The following MYO18B variants were observed in gnomAD, a reference collection of about 807,000 sequenced individuals.
MYO18B encodes the protein myosin XVIIIB.
Under a neutral mutation model 273.0 loss-of-function variants are expected in MYO18B, and 204 were observed. The observed-to-expected ratio is 0.75, with a 90% confidence interval of 0.67 to 0.84. MYO18B has a LOEUF of 0.84. MYO18B is among the 40% of genes least tolerant of loss of function. The pLI is 0.00. For missense variants in MYO18B, 3,212 were observed against 3,287.6 expected, an observed-to-expected ratio of 0.98 and a Z score of 0.56; for synonymous variants, 1,330 against 1,305.7, an observed-to-expected ratio of 1.02 and a Z score of -0.40.
chr22:25,887,909 C>G (rs955747706), intron 25 of MYO18B, among the ~76,000 whole-genome samples: 2 of 152,218 alleles, frequency 1.3e-5, no homozygotes, highest in African/African-American at 2.4e-5. Flanking sequence ...AAATTTCACA[C>G]TAATTGGCTA....
chr22:25,777,513 G>A (rs1406416061), intron 7 of MYO18B, 70 bp from the exon 8 acceptor site: 2 of 1,411,552 alleles, frequency 1.4e-6, no homozygotes, highest in African/African-American at 2.9e-5. Context: ...GCCTGGGGCG[G>A]GGCGCTGTCT....
rs574311179 is a variant in MYO18B at position 25,818,502 on chromosome 22, G to A, written c.2522-5003G>A. On this transcript the variant is annotated intron_variant, in intron 12 of 43. Coordinates refer to ENST00000335473, the MANE Select transcript of MYO18B (RefSeq NM_032608.7). ...CCTCAGAGGGTTTTGGTGAGATGAG[G>A]CATGGAAAGCCTTTAGCTCAGTGCC... Among the ~76,000 whole-genome samples, 5 of 152,290 alleles carry A rather than the reference G, an allele frequency of 3.3e-5. No individual in the cohort carries two copies. In the South Asian group the frequency reaches 6.2e-4, roughly 19 times the overall value.
At chr22:25,804,762 T>C (rs1423782841) in intron 12 of MYO18B, among the ~76,000 whole-genome samples, 2 of 152,222 alleles carry the variant, frequency 1.3e-5, no homozygotes, top group African/African-American at 4.8e-5. Context: ...GTGGCCCTGC[T>C]CTGTCTGGCA....
At chr22:25,779,932 C>CG in intron 8 of MYO18B, 124 bp from the exon 9 acceptor site, 1 of 1,274,878 alleles carries the variant, frequency 7.8e-7, no homozygotes, top group Non-Finnish European at 1.1e-6. Context: ...GGAAGCCCAC[C>CG]GGGGGCTGAG....
At chr22:25,998,550 A>G (rs957569057) in intron 40 of MYO18B, among the ~76,000 whole-genome samples, 2 of 152,212 alleles carry the variant, frequency 1.3e-5, no homozygotes, top group Non-Finnish European at 2.9e-5. Flanking sequence ...TAACCTGGCT[A>G]AAATTAGGCT....
chr22:25,919,747 A>G (rs1049900602), intron 33 of MYO18B, among the ~76,000 whole-genome samples: 8 of 152,048 alleles, frequency 5.3e-5, no homozygotes, highest in African/African-American at 1.9e-4. Context: ...AAAACAATAC[A>G]TTTCAGATAT....
chr22:25,945,332 T>C (rs1242734968), intron 34 of MYO18B, among the ~76,000 whole-genome samples: 2 of 152,074 alleles, frequency 1.3e-5, no homozygotes, highest in Non-Finnish European at 2.9e-5. Context: ...CTCTTTCCTC[T>C]ACTGCACAAA....
chr22:25,997,325 A>AC (rs1318071562), intron 40 of MYO18B, among the ~76,000 whole-genome samples: 3 of 150,208 alleles, frequency 2.0e-5, no homozygotes, highest in Non-Finnish European at 4.4e-5. Context: ...AAAAAAAAAA[A>AC]AAAAACGAAG....
rs139314278 is a variant in MYO18B, at chr22:26,024,047, TTTC to T, written c.6471-2392_6471-2390del. Among the ~76,000 whole-genome samples the T allele has an allele frequency of 9.8e-3, 1,498 of 152,268 alleles. 25 individuals carry two copies. Among genetic ancestry groups the T allele is most frequent in the African/African-American group, 0.034 (1,415 of 41,548 alleles). ...TTGTTTTAGCACATAGGAACCAACC[TTTC>T]TTCTTACGGTGAGACAGAAGGTCAC... On this transcript the variant is annotated intron_variant, in intron 42 of 43. Coordinates refer to ENST00000335473, the MANE Select transcript of MYO18B (RefSeq NM_032608.7).
At chr22:25,938,155 C>T (rs2092603175) in intron 34 of MYO18B, among the ~76,000 whole-genome samples, 1 of 152,114 alleles carries the variant, frequency 6.6e-6, no homozygotes, top group South Asian at 2.1e-4. Context: ...CAGGTTCTAA[C>T]CATTCTGCCC....
At position 25,865,856 on chromosome 22, in the gene MYO18B, GT is replaced by G. The variant is rs879793160; in HGVS notation, c.3886-2455del. ...TCTTATCTTCAGTCAATTTTTTATT[GT>G]TTTTTTTTCTTCTTATGTAGAGAAA... On this transcript the variant is annotated intron_variant, in intron 21 of 43. Coordinates refer to ENST00000335473, the MANE Select transcript of MYO18B (RefSeq NM_032608.7). 3.1e-3 allele frequency among the ~76,000 whole-genome samples: 465 copies of G among 149,710 alleles called. 1 individual carries two copies. The highest frequency in any genetic ancestry group is 4.0e-3 in the Non-Finnish European group (268 of 67,232).
At chr22:25,861,103 C>T (rs1277339000) in intron 21 of MYO18B, among the ~76,000 whole-genome samples, 9 of 152,026 alleles carry the variant, frequency 5.9e-5, no homozygotes, top group East Asian at 3.9e-4. Context: ...AGTCTGGTCT[C>T]GACCTCCTGG....
chr22:26,043,242 T>G, the MYO18B span, among the ~76,000 whole-genome samples: 1 of 152,240 alleles, frequency 6.6e-6, no homozygotes. Context: ...TAGTTTGTTT[T>G]TTTTATTGCT....
the MYO18B span, among the ~76,000 whole-genome samples, chr22:26,059,348 G>C: frequency 1.3e-5 from 2 of 152,214 alleles, no homozygotes; most frequent in Admixed American, 6.5e-5. Context: ...TGAATGAGAC[G>C]GAGATTGTGT....
chr22:26,000,343 GT>G (rs1933833453), intron 40 of MYO18B, among the ~76,000 whole-genome samples: 1 of 152,148 alleles, frequency 6.6e-6, no homozygotes, highest in Non-Finnish European at 1.5e-5. Context: ...ACAGAGGAAG[GT>G]TTTGGGCTAA....
At position 25,976,297 on chromosome 22, in the gene MYO18B, C is replaced by T. The variant is rs144529640; in HGVS notation, c.6157-16066C>T. On this transcript the variant is annotated intron_variant, in intron 39 of 43. Transcript: ENST00000335473. ...TCTTTTGGTCAGAAATAAAAATCCACCCAGAACCTCTCTCTTGAGGCCACT... is the reference window on the plus strand; with the variant it reads ...TCTTTTGGTCAGAAATAAAAATCCATCCAGAACCTCTCTCTTGAGGCCACT... Among the ~76,000 whole-genome samples the T allele has an allele frequency of 2.1e-3, 327 of 152,288 alleles. 1 individual carries two copies. The highest frequency in any genetic ancestry group is 7.5e-3 in the African/African-American group (312 of 41,562).
At chr22:25,833,197 A>G (rs891913742) in intron 16 of MYO18B, among the ~76,000 whole-genome samples, 200 bp downstream of exon 16, 2 of 152,192 alleles carry the variant, frequency 1.3e-5, no homozygotes, top group Admixed American at 1.3e-4. Flanking sequence ...TGAACAGTGG[A>G]AATTTAAGCA....
At chr22:25,906,056 C>G (rs1478764228) in intron 31 of MYO18B, among the ~76,000 whole-genome samples, 1 of 152,198 alleles carries the variant, frequency 6.6e-6, no homozygotes, top group Non-Finnish European at 1.5e-5. Context: ...CTTAATGCAG[C>G]TGCCTGAATT....
chr22:25,854,083 T>C (rs1601359321), intron 21 of MYO18B, among the ~76,000 whole-genome samples: 1 of 152,132 alleles, frequency 6.6e-6, no homozygotes, highest in East Asian at 1.9e-4. Context: ...ATATTGTCAT[T>C]AGACACTAGA....
Sources: gnomAD v4.1 joint callset for allele counts (sites outside exome capture counted in the v4.1 genomes callset) on GRCh38, gnomAD v4.1.1 for gene constraint, MANE v1.5 for transcripts, NCBI Gene and HGNC (gene_info 2026-07-23, HGNC 2026-07-21) for gene names.